RNF180: variants seen among roughly 807,000 people sequenced by gnomAD.
RNF180 encodes E3 ubiquitin-protein ligase RNF180.
A neutral mutation model predicts 59.2 loss-of-function variants in RNF180; 38 were observed. The observed-to-expected ratio is 0.64, with a 90% confidence interval of 0.50 to 0.84. The LOEUF (loss-of-function observed/expected upper bound fraction) is 0.84. Among genes scored for constraint, RNF180 ranks in the 40% least tolerant of loss-of-function variants. RNF180 has a pLI of 0.00. For synonymous variants in RNF180, 262 were observed against 240.3 expected, an observed-to-expected ratio of 1.09 and a Z score of -0.84; for missense variants, 705 against 700.9, an observed-to-expected ratio of 1.01 and a Z score of -0.07.
chr5:64,173,393 A>G (rs531880647), intron 1 of RNF180, among the ~76,000 whole-genome samples: 104 of 152,134 alleles, frequency 6.8e-4, no homozygotes, highest in Admixed American at 2.4e-3. Context: ...GTACAGTGTG[A>G]TGTTCTGATA....
intron 5 of RNF180, among the ~76,000 whole-genome samples, chr5:64,226,400 C>T (rs1741761132): frequency 6.6e-6 from 1 of 152,196 alleles, no homozygotes; most frequent in Admixed American, 6.5e-5. Flanking sequence ...GCTGTGTCAA[C>T]TCAGGGTTAA....
At chr5:64,201,006 A>C in intron 2 of RNF180, 64 bp downstream of exon 2, 1 of 1,250,660 alleles carries the variant, frequency 8.0e-7, no homozygotes, top group African/African-American at 1.5e-5. Context: ...CTATCCACAC[A>C]CATGCACACT....
At chr5:64,204,505 T>C (rs1751920127) in intron 2 of RNF180, among the ~76,000 whole-genome samples, 2 of 152,200 alleles carry the variant, frequency 1.3e-5, no homozygotes, top group African/African-American at 4.8e-5. Context: ...GCAAAATGTC[T>C]TTTTTTCTTG....
intron 5 of RNF180, among the ~76,000 whole-genome samples, chr5:64,286,612 C>G (rs538531877): frequency 4.1e-4 from 63 of 152,272 alleles, no homozygotes; most frequent in Admixed American, 3.9e-4. Context: ...CAAACTAAAT[C>G]CTTCAATCAG....
At chr5:64,362,599 T>C (rs1024844885) in intron 7 of RNF180, among the ~76,000 whole-genome samples, 2 of 151,948 alleles carry the variant, frequency 1.3e-5, no homozygotes. Flanking sequence ...TTTGGGTATA[T>C]ACCCAGTAAC....
chr5:64,224,281 T>G (rs1296959029), intron 5 of RNF180, among the ~76,000 whole-genome samples: 1 of 152,120 alleles, frequency 6.6e-6, no homozygotes, highest in African/African-American at 2.4e-5. Context: ...ACAGCTGATT[T>G]CAGTGGTTGC....
chr5:64,299,242 T>C (rs1029948688), intron 5 of RNF180, among the ~76,000 whole-genome samples: 1 of 151,938 alleles, frequency 6.6e-6, no homozygotes, highest in Non-Finnish European at 1.5e-5. Flanking sequence ...TAAATTTCTG[T>C]TGTTTATAAG....
chr5:64,214,469 G>C lies in RNF180; in HGVS notation c.1143G>C (p.Lys381Asn). The change falls in exon 4 of 8, where the codon AAG becomes AAC. Residue 381 changes from lysine to asparagine, a missense_variant. Coordinates refer to ENST00000389100, the MANE Select transcript of RNF180 (RefSeq NM_001113561.2). ...RLNKRERSKL[K>N]NLRRKQRRRE... Reference sequence around the variant, plus strand: ...ATAAGAGAGAAAGGAGCAAGTTGAAGAATCTAAGAAGGAAACAACGAAGGC... The same window carrying C: ...ATAAGAGAGAAAGGAGCAAGTTGAACAATCTAAGAAGGAAACAACGAAGGC... 6.2e-7 allele frequency: 1 copy of C among 1,613,886 alleles called. No individual in the cohort carries two copies. The highest frequency in any genetic ancestry group is 8.5e-7 in the Non-Finnish European group (1 of 1,179,844).
chr5:64,257,354 C>G (rs982261473), intron 5 of RNF180, among the ~76,000 whole-genome samples: 1 of 152,070 alleles, frequency 6.6e-6, no homozygotes, highest in African/African-American at 2.4e-5. Flanking sequence ...ATAAATAGCT[C>G]TTATTATTTT....
intron 5 of RNF180, among the ~76,000 whole-genome samples, chr5:64,250,465 A>G (rs1397168423): frequency 6.6e-6 from 1 of 152,180 alleles, no homozygotes; most frequent in African/African-American, 2.4e-5. Context: ...AGAAAAGATC[A>G]ACAATACCAA....
intron 2 of RNF180, among the ~76,000 whole-genome samples, chr5:64,203,816 ATTTTC>A (rs550622556): frequency 5.4e-4 from 82 of 152,088 alleles, no homozygotes; most frequent in Middle Eastern, 6.8e-3. Flanking sequence ...GCATATTGGT[ATTTTC>A]TTTTCTTTAA....
Position 64,168,967 on chromosome 5 carries a change from A to T in RNF180, c.-1+3014A>T, listed in dbSNP as rs184189300. Among the ~76,000 whole-genome samples the T allele has an allele frequency of 3.8e-3, 582 of 152,320 alleles. 3 individuals carry two copies. Among genetic ancestry groups the T allele is most frequent in the Non-Finnish European group, 6.1e-3 (412 of 68,028 alleles). On this transcript the variant is annotated intron_variant, in intron 1 of 7. Coordinates refer to ENST00000389100, the MANE Select transcript of RNF180 (RefSeq NM_001113561.2). ...GGTTTTTGTAAGGTGGAAACAAGGA[A>T]ACAGAGTATTTTTAAAAGTCTGTTG... is the stretch of plus-strand genomic sequence containing the variant.
At chr5:64,283,436 C>T (rs1261413915) in intron 5 of RNF180, among the ~76,000 whole-genome samples, 1 of 152,016 alleles carries the variant, frequency 6.6e-6, no homozygotes, top group African/African-American at 2.4e-5. Flanking sequence ...GTTTGTCACT[C>T]TGTGCCTTCT....
At position 64,358,867 on chromosome 5, in the gene RNF180, G is replaced by A. The variant is rs910761189; in HGVS notation, c.1580-10748G>A. On this transcript the variant is annotated intron_variant, in intron 7 of 7. Coordinates refer to ENST00000389100, the MANE Select transcript of RNF180 (RefSeq NM_001113561.2). The stretch of plus-strand genomic sequence containing the variant: ...ATCTCATTGTTCAGTTCCCACCTAT[G>A]AGTGAGAATATGCGGTGTCTGGTTT... 2.0e-5 allele frequency among the ~76,000 whole-genome samples: 3 copies of A among 147,942 alleles called. No homozygotes were observed. The Admixed American group carries it at 2.1e-4, about 10-fold the overall frequency.
At chr5:64,343,392 A>G (rs971264620) in intron 7 of RNF180, among the ~76,000 whole-genome samples, 1 of 152,234 alleles carries the variant, frequency 6.6e-6, no homozygotes, top group South Asian at 2.1e-4. Context: ...TCTGTTGAAT[A>G]TGTGTAATTG....
chr5:64,344,716 A>T (rs1387767887), intron 7 of RNF180, among the ~76,000 whole-genome samples: 2 of 151,902 alleles, frequency 1.3e-5, no homozygotes, highest in Non-Finnish European at 2.9e-5. Flanking sequence ...GTTGCCTTTC[A>T]CTTTCTGAAC....
intron 5 of RNF180, among the ~76,000 whole-genome samples, chr5:64,261,794 T>C (rs1444676306): frequency 6.6e-6 from 1 of 152,170 alleles, no homozygotes; most frequent in East Asian, 1.9e-4. Flanking sequence ...CAGAATTTGC[T>C]GTAGCTAAGG....
At chr5:64,368,454 A>C (rs893246801) in intron 7 of RNF180, among the ~76,000 whole-genome samples, 4 of 151,812 alleles carry the variant, frequency 2.6e-5, no homozygotes, top group Admixed American at 2.0e-4. Context: ...AAAAGAGTTA[A>C]ATGACTTGCC....
rs544041347 is a variant in RNF180 at position 64,253,359 on chromosome 5, A to G, written c.1227+35963A>G. On this transcript the variant is annotated intron_variant, in intron 5 of 7. Coordinates refer to ENST00000389100, the MANE Select transcript of RNF180 (RefSeq NM_001113561.2). The stretch of plus-strand genomic sequence containing the variant: ...TTTCTATGAATTTTTCACATTGTTT[A>G]TATCCCTCTTGTCATTTAACCATCA... 2.6e-5 allele frequency among the ~76,000 whole-genome samples: 4 copies of G among 151,124 alleles called. 1 individual carries two copies. Among genetic ancestry groups the G allele is most frequent in the African/African-American group, 9.9e-5 (4 of 40,480 alleles).
Sources: gnomAD v4.1 joint callset for allele counts (sites outside exome capture counted in the v4.1 genomes callset) on GRCh38, gnomAD v4.1.1 for gene constraint, MANE v1.5 for transcripts, NCBI Gene and HGNC (gene_info 2026-07-23, HGNC 2026-07-21) for gene names.